SGIP1: variants seen among roughly 807,000 people sequenced by gnomAD.
SGIP1 encodes the protein SH3GL interacting endocytic adaptor 1.
A neutral mutation model predicts 107.5 loss-of-function variants in SGIP1; 38 were observed. That is an observed-to-expected ratio of 0.35 (90% CI 0.27 to 0.46). The LOEUF is 0.46. SGIP1 is among the 20% of genes least tolerant of loss of function. SGIP1 has a pLI of 1.00. For missense variants in SGIP1, 929 were observed against 1,019.5 expected (o/e 0.91, Z 1.21); for synonymous variants, 365 against 366.1 (o/e 1.00, Z 0.03).
intron 1 of SGIP1, among the ~76,000 whole-genome samples, chr1:66,625,377 AAAGAT>A (rs2072408526): frequency 6.6e-6 from 1 of 152,232 alleles, no homozygotes; most frequent in African/African-American, 2.4e-5. Context: ...GGAAGCAGTA[AAAGAT>A]AAGATGGGAA....
chr1:66,535,589 C>T (rs2053419393), intron 1 of SGIP1, among the ~76,000 whole-genome samples: 3 of 152,096 alleles, frequency 2.0e-5, no homozygotes, highest in African/African-American at 7.2e-5. Flanking sequence ...GTGAAGAATT[C>T]TAGAGTCAAA....
chr1:66,749,405 G>T lies in SGIP1; in HGVS notation c.*6310G>T, dbSNP rs61797261. ...CAGTGCACTGTTTAGCACAGATTTT[G>T]TGAGATTCTATACTCTTTTAATGAG... On this transcript the variant is annotated 3_prime_UTR_variant, in exon 25 of 25. Coordinates refer to ENST00000371037, the MANE Select transcript of SGIP1 (RefSeq NM_032291.4). 0.048 allele frequency among the ~76,000 whole-genome samples: 7,302 copies of T among 151,254 alleles called. 302 individuals are homozygous for T. Among genetic ancestry groups the T allele is most frequent in the Non-Finnish European group, 0.071 (4,828 of 67,706 alleles).
intron 18 of SGIP1, among the ~76,000 whole-genome samples, chr1:66,697,849 A>G (rs1014960171): frequency 3.3e-5 from 5 of 152,128 alleles, no homozygotes; most frequent in African/African-American, 1.2e-4. Flanking sequence ...ATTTTCCTTC[A>G]ACATGCTTTA....
intron 1 of SGIP1, among the ~76,000 whole-genome samples, chr1:66,563,270 C>T (rs926390099): frequency 6.6e-6 from 1 of 151,972 alleles, no homozygotes; most frequent in East Asian, 1.9e-4. Flanking sequence ...TACTTTAATA[C>T]TGCAAAGTGT....
chr1:66,560,886 G>T (rs2058837543), intron 1 of SGIP1, among the ~76,000 whole-genome samples: 1 of 151,972 alleles, frequency 6.6e-6, no homozygotes, highest in Non-Finnish European at 1.5e-5. Flanking sequence ...TACCTCTCTT[G>T]GCCTTTGTGA....
At chr1:66,615,731 A>C (rs2069129943) in intron 1 of SGIP1, among the ~76,000 whole-genome samples, 1 of 152,178 alleles carries the variant, frequency 6.6e-6, no homozygotes, top group Admixed American at 6.5e-5. Context: ...CATTAATTTA[A>C]ATGCTTTCTA....
intron 18 of SGIP1, among the ~76,000 whole-genome samples, chr1:66,705,962 A>G (rs562790232): frequency 6.6e-6 from 1 of 152,178 alleles, no homozygotes; most frequent in African/African-American, 2.4e-5. Flanking sequence ...GGGTGCAGCA[A>G]ACCACCATGG....
chr1:66,698,068 C>G (rs556537994), intron 18 of SGIP1, among the ~76,000 whole-genome samples: 1 of 152,270 alleles, frequency 6.6e-6, no homozygotes, highest in South Asian at 2.1e-4. Context: ...GTTCAAAACA[C>G]TATTCTGTCT....
At position 66,609,177 on chromosome 1, in the gene SGIP1, T is replaced by C. The variant is rs199984659; in HGVS notation, c.11-16670T>C. ...AATGAGATAAAACGAATGCCTTCAATTGGCTTAAAATCTAAAAGAACAAAG... is the reference window on the plus strand; with the variant it reads ...AATGAGATAAAACGAATGCCTTCAACTGGCTTAAAATCTAAAAGAACAAAG... On this transcript the variant is annotated intron_variant, in intron 1 of 24. Coordinates refer to ENST00000371037, the MANE Select transcript of SGIP1 (RefSeq NM_032291.4). Among the ~76,000 whole-genome samples, 7 of 152,316 alleles carry C rather than the reference T, an allele frequency of 4.6e-5. No individual in the cohort carries two copies. In the East Asian group the frequency reaches 1.2e-3, roughly 25 times the overall value.
chr1:66,691,621 T>C (rs1297744124), intron 17 of SGIP1, among the ~76,000 whole-genome samples: 2 of 152,124 alleles, frequency 1.3e-5, no homozygotes, highest in Non-Finnish European at 2.9e-5. Context: ...CTGTTTTGTT[T>C]GTTTGTTTCT....
intron 20 of SGIP1, among the ~76,000 whole-genome samples, chr1:66,730,118 T>C (rs1208693520): frequency 6.6e-6 from 1 of 152,152 alleles, no homozygotes; most frequent in Non-Finnish European, 1.5e-5. Context: ...TTAAATCAAT[T>C]GTGTGTGTAG....
intron 15 of SGIP1, among the ~76,000 whole-genome samples, chr1:66,688,202 C>T (rs1235117335): frequency 3.3e-5 from 5 of 152,160 alleles, no homozygotes; most frequent in African/African-American, 7.2e-5. Flanking sequence ...GTGCTTCTAA[C>T]GGAAGTGACA....
chr1:66,606,097 C>T (rs780081674), intron 1 of SGIP1, among the ~76,000 whole-genome samples: 8 of 152,044 alleles, frequency 5.3e-5, no homozygotes, highest in Non-Finnish European at 1.2e-4. Context: ...TAAAAATAGG[C>T]ATTATGTAGT....
At chr1:66,540,487 C>T (rs568014666) in intron 1 of SGIP1, among the ~76,000 whole-genome samples, 5 of 152,292 alleles carry the variant, frequency 3.3e-5, no homozygotes, top group East Asian at 1.9e-4. Context: ...CCTGGGTTCT[C>T]ATTCCTTTTC....
chr1:66,630,100 A>G (rs1440772612), intron 2 of SGIP1, among the ~76,000 whole-genome samples: 2 of 152,176 alleles, frequency 1.3e-5, no homozygotes, highest in African/African-American at 4.8e-5. Context: ...ACTCCACAGG[A>G]CACATGAGCC....
chr1:66,579,952 T>A (rs1417924222), intron 1 of SGIP1, among the ~76,000 whole-genome samples: 1 of 152,178 alleles, frequency 6.6e-6, no homozygotes, highest in Non-Finnish European at 1.5e-5. Flanking sequence ...CTATTATCTC[T>A]ACTGTCAGAA....
At chr1:66,690,091 C>A in intron 16 of SGIP1, 99 bp from the exon 17 acceptor site, 3 of 1,381,610 alleles carry the variant, frequency 2.2e-6, no homozygotes, top group South Asian at 2.6e-5. Flanking sequence ...CTTCAGATAC[C>A]TAAGTTGTCA....
At chr1:66,710,537 A>G (rs1051062090) in intron 18 of SGIP1, among the ~76,000 whole-genome samples, 4 of 152,136 alleles carry the variant, frequency 2.6e-5, no homozygotes, top group African/African-American at 9.7e-5. Flanking sequence ...ACATGAAAGT[A>G]TTTACTTATA....
intron 1 of SGIP1, among the ~76,000 whole-genome samples, chr1:66,622,832 G>A (rs1331890537): frequency 6.6e-6 from 1 of 152,054 alleles, no homozygotes; most frequent in Non-Finnish European, 1.5e-5. Flanking sequence ...CTTAGTTTTT[G>A]CCCTCCCATT....
Sources: gnomAD v4.1 joint callset for allele counts (sites outside exome capture counted in the v4.1 genomes callset) on GRCh38, gnomAD v4.1.1 for gene constraint, MANE v1.5 for transcripts, NCBI Gene and HGNC (gene_info 2026-07-23, HGNC 2026-07-21) for gene names.